KIAA1549L: variants seen among roughly 807,000 people sequenced by gnomAD.
The protein encoded by KIAA1549L is KIAA1549 like, also known as UPF0606 protein KIAA1549L.
KIAA1549L carries 88 observed loss-of-function variants against 160.7 expected under a neutral mutation model. That is an observed-to-expected ratio of 0.55 (90% CI 0.46 to 0.65). The LOEUF (loss-of-function observed/expected upper bound fraction) is 0.65, where lower values mean the gene tolerates loss of function less well. Ranked by LOEUF, KIAA1549L falls within the 30% of genes least tolerant of loss-of-function variation. The pLI, the probability that KIAA1549L is intolerant of heterozygous loss-of-function variation, is 0.00. For missense variants in KIAA1549L, 2,258 were observed against 2,437.5 expected (o/e 0.93, Z 1.55); for synonymous variants, 950 against 976.7 (o/e 0.97, Z 0.51).
chr11:33,583,483 C>T lies in KIAA1549L; in HGVS notation c.4548C>T (p.Asn1516=). Residue 1516 remains asparagine (N), a synonymous_variant, in exon 11 of 21, where the codon AAC becomes AAT. Coordinates refer to ENST00000658780, the MANE Select transcript of KIAA1549L (RefSeq NM_012194.3). The stretch of plus-strand genomic sequence containing the variant: ...ACTTCAAGCCTGACACCATGATAAA[C>T]CTGCCGCAGAGAGCAAAGGTATATG... ...KNDFKPDTMI[N]LPQRAKPVQG... The T allele has an allele frequency of 1.9e-6, 3 of 1,577,636 alleles. No individual in the cohort carries two copies. Among genetic ancestry groups the T allele is most frequent in the Non-Finnish European group, 2.6e-6 (3 of 1,161,730 alleles).
chr11:33,583,967 A>C lies in KIAA1549L; in HGVS notation c.4566+466A>C, dbSNP rs559029543. Reference sequence around the variant, plus strand: ...TTGTGGTCCACAGATTTATATGTTGAAATTCTGACCCCCAATATGATGGTA... The same window carrying C: ...TTGTGGTCCACAGATTTATATGTTGCAATTCTGACCCCCAATATGATGGTA... On this transcript the variant is annotated intron_variant, in intron 11 of 20. Transcript: ENST00000658780. Among the ~76,000 whole-genome samples the C allele has an allele frequency of 1.8e-4, 27 of 152,280 alleles. 1 individual carries two copies. In the South Asian group the frequency reaches 5.6e-3, roughly 32 times the overall value.
intron 16 of KIAA1549L, among the ~76,000 whole-genome samples, chr11:33,641,084 A>G (rs1046976767): frequency 4.6e-5 from 7 of 152,224 alleles, no homozygotes; most frequent in African/African-American, 1.4e-4. Context: ...CAGCCAGTAG[A>G]TGTGATATCT....
chr11:33,645,461 A>C (rs964719655), intron 16 of KIAA1549L, among the ~76,000 whole-genome samples: 1 of 152,154 alleles, frequency 6.6e-6, no homozygotes, highest in Non-Finnish European at 1.5e-5. Context: ...TGGTCAATCT[A>C]TGGGCAACTG....
chr11:33,411,456 C>G (rs566470050), intron 1 of KIAA1549L, among the ~76,000 whole-genome samples: 1 of 152,270 alleles, frequency 6.6e-6, no homozygotes, highest in East Asian at 1.9e-4. Flanking sequence ...GATTGCATAC[C>G]TCTCGGCTAG....
chr11:33,407,081 A>ATTTTTTTTTTTTTTTTTTTTT (rs750670251), intron 1 of KIAA1549L, among the ~76,000 whole-genome samples: 1 of 100,136 alleles, frequency 1.0e-5, no homozygotes, highest in Non-Finnish European at 1.9e-5. Flanking sequence ...TTCTTTTTTC[A>ATTTTTTTTTTTTTTTTTTTTT]TTTTTTTTTT....
intron 1 of KIAA1549L, among the ~76,000 whole-genome samples, chr11:33,425,437 C>T (rs141402740): frequency 1.3e-5 from 2 of 152,184 alleles, no homozygotes; most frequent in Admixed American, 6.5e-5. Context: ...GTTTCTCTGA[C>T]AACTGTGTTT....
chr11:33,490,841 C>T (rs923020019), intron 1 of KIAA1549L, among the ~76,000 whole-genome samples: 6 of 152,198 alleles, frequency 3.9e-5, no homozygotes. Context: ...GATTCTGCTT[C>T]AGTAGGTCTG....
chr11:33,617,428 G>A (rs1169601866), intron 15 of KIAA1549L, among the ~76,000 whole-genome samples: 5 of 152,156 alleles, frequency 3.3e-5, no homozygotes, highest in African/African-American at 1.2e-4. Context: ...GGTGACAAAT[G>A]TATGAATTTT....
intron 1 of KIAA1549L, among the ~76,000 whole-genome samples, chr11:33,425,856 C>A (rs1442889004): frequency 1.3e-5 from 2 of 152,216 alleles, no homozygotes; most frequent in Non-Finnish European, 2.9e-5. Flanking sequence ...AACATCACTT[C>A]TTTGGGATTT....
intron 8 of KIAA1549L, 118 bp from the exon 9 acceptor site, chr11:33,567,958 A>G: frequency 1.9e-6 from 2 of 1,063,290 alleles, no homozygotes; most frequent in Non-Finnish European, 2.6e-6. Flanking sequence ...GCCAAGCCCT[A>G]ACATGAGGTA....
At chr11:33,636,620 C>T (rs1408562464) in intron 16 of KIAA1549L, among the ~76,000 whole-genome samples, 1 of 152,152 alleles carries the variant, frequency 6.6e-6, no homozygotes, top group African/African-American at 2.4e-5. Flanking sequence ...CGTGAACCAC[C>T]ACGCCCAGCC....
chr11:33,498,832 G>A (rs1467204308), intron 1 of KIAA1549L, among the ~76,000 whole-genome samples: 10 of 152,164 alleles, frequency 6.6e-5, no homozygotes, highest in African/African-American at 2.2e-4. Context: ...TCTTCCTGCA[G>A]AGGGGCGAGG....
At chr11:33,528,647 C>T (rs1265215609) in intron 1 of KIAA1549L, among the ~76,000 whole-genome samples, 1 of 152,124 alleles carries the variant, frequency 6.6e-6, no homozygotes, top group African/African-American at 2.4e-5. Context: ...TACCACTCAA[C>T]CATAAAAAGG....
rs79226770 is a variant in KIAA1549L, at chr11:33,623,813, C to T, written c.5409+5151C>T. Among the ~76,000 whole-genome samples, 1,324 of 152,182 alleles carry T rather than the reference C, an allele frequency of 8.7e-3. 10 individuals are homozygous for T. The highest frequency in any genetic ancestry group is 0.031 in the African/African-American group (1,282 of 41,528). The stretch of plus-strand genomic sequence containing the variant: ...CCCCTGCAGGCCAAGAATTTCCCTC[C>T]CCTATAGGCAACTTCCCACTGGGCA... On this transcript the variant is annotated intron_variant, in intron 16 of 20. Transcript: ENST00000658780.
At chr11:33,606,615 A>T (rs188204875) in intron 13 of KIAA1549L, 26 bp from the exon 14 acceptor site, 7 of 1,607,238 alleles carry the variant, frequency 4.4e-6, no homozygotes, top group Middle Eastern at 1.7e-4. Context: ...ACATCATAAA[A>T]TCGATGTGTT....
intron 1 of KIAA1549L, among the ~76,000 whole-genome samples, chr11:33,474,410 C>T (rs765626668): frequency 3.9e-5 from 6 of 152,242 alleles, no homozygotes; most frequent in Non-Finnish European, 7.3e-5. Context: ...GCTCGTTGCT[C>T]TTCTGTGAGC....
intron 1 of KIAA1549L, among the ~76,000 whole-genome samples, chr11:33,453,075 G>A (rs893277803): frequency 2.0e-5 from 3 of 152,206 alleles, no homozygotes; most frequent in South Asian, 2.1e-4. Context: ...TTCCTGGGAA[G>A]CCATGTGCAT....
intron 8 of KIAA1549L, among the ~76,000 whole-genome samples, chr11:33,562,928 G>A (rs1396353730): frequency 6.6e-6 from 1 of 151,896 alleles, no homozygotes; most frequent in Non-Finnish European, 1.5e-5. Flanking sequence ...CGATCTGCCC[G>A]CCTTGGCCTC....
At chr11:33,534,055 T>C (rs1023708898) in intron 1 of KIAA1549L, among the ~76,000 whole-genome samples, 1 of 152,178 alleles carries the variant, frequency 6.6e-6, no homozygotes, top group Non-Finnish European at 1.5e-5. Flanking sequence ...ACCATTACTG[T>C]CTGTCTCCCT....
Sources: allele counts gnomAD v4.1 joint callset (sites outside exome capture counted in the v4.1 genomes callset), GRCh38; gene constraint gnomAD v4.1.1; transcripts MANE v1.5; gene names NCBI Gene and HGNC (gene_info 2026-07-23, HGNC 2026-07-21).